The following PTPRM variants were observed in gnomAD, a reference collection of about 807,000 sequenced individuals.
PTPRM encodes receptor-type tyrosine-protein phosphatase mu.
PTPRM carries 47 observed loss-of-function variants against 186.7 expected under a neutral mutation model. That is an observed-to-expected ratio of 0.25 (90% CI 0.20 to 0.32). PTPRM has a LOEUF of 0.32. Among genes scored for constraint, PTPRM ranks in the 10% least tolerant of loss-of-function variants. The pLI is 1.00. For missense variants in PTPRM, 1,494 were observed against 1,865.0 expected, an observed-to-expected ratio of 0.80 and a Z score of 3.66; for synonymous variants, 668 against 674.9, an observed-to-expected ratio of 0.99 and a Z score of 0.16.
intron 1 of PTPRM, among the ~76,000 whole-genome samples, chr18:7,684,085 A>C (rs1266177108): frequency 3.3e-5 from 5 of 152,134 alleles, no homozygotes; most frequent in Non-Finnish European, 5.9e-5. Flanking sequence ...CGCTCCACTG[A>C]GAACAGCCTC....
chr18:7,838,613 C>T (rs1210130918), intron 2 of PTPRM, among the ~76,000 whole-genome samples: 1 of 152,246 alleles, frequency 6.6e-6, no homozygotes, highest in Non-Finnish European at 1.5e-5. Context: ...CTGGGTCAAA[C>T]CTGAAGCCTG....
At chr18:8,283,516 A>G (rs557152766) in intron 19 of PTPRM, among the ~76,000 whole-genome samples, 54 of 152,334 alleles carry the variant, frequency 3.5e-4, no homozygotes, top group African/African-American at 1.3e-3. Context: ...ATTTATGTCA[A>G]TTAACAGGCT....
At chr18:8,196,532 T>C (rs6506554) in intron 14 of PTPRM, among the ~76,000 whole-genome samples, 131,634 of 152,206 alleles carry the variant, frequency 0.86, 57,002 homozygotes, top group East Asian at 0.96. Flanking sequence ...TAGCATTTGC[T>C]GAAAATATTC....
intron 1 of PTPRM, among the ~76,000 whole-genome samples, chr18:7,713,772 GAC>G (rs1280900867): frequency 6.7e-6 from 1 of 149,690 alleles, no homozygotes; most frequent in Non-Finnish European, 1.5e-5. Flanking sequence ...AAGATCAAAA[GAC>G]ACGAAGGGCA....
At chr18:8,182,248 G>A (rs1372366816) in intron 14 of PTPRM, among the ~76,000 whole-genome samples, 1 of 152,078 alleles carries the variant, frequency 6.6e-6, no homozygotes, top group African/African-American at 2.4e-5. Flanking sequence ...GAGGGTACGT[G>A]TGCAGGTTTG....
intron 1 of PTPRM, among the ~76,000 whole-genome samples, chr18:7,680,535 G>A (rs944579446): frequency 2.0e-5 from 3 of 152,184 alleles, no homozygotes; most frequent in Non-Finnish European, 4.4e-5. Context: ...TGTAAGGGAT[G>A]ACATTTCGGG....
chr18:8,038,053 TCTTAA>T (rs2086447177), intron 7 of PTPRM, among the ~76,000 whole-genome samples: 1 of 152,314 alleles, frequency 6.6e-6, no homozygotes, highest in Non-Finnish European at 1.5e-5. Flanking sequence ...TTATATCACC[TCTTAA>T]CTTATGGTGC....
At chr18:8,089,777 G>A (rs1285551915) in intron 11 of PTPRM, among the ~76,000 whole-genome samples, 3 of 152,078 alleles carry the variant, frequency 2.0e-5, no homozygotes, top group Non-Finnish European at 4.4e-5. Flanking sequence ...GTATCATAAG[G>A]CAATCAGTTA....
chr18:8,256,948 G>A (rs1039126723), intron 19 of PTPRM, among the ~76,000 whole-genome samples: 1 of 152,208 alleles, frequency 6.6e-6, no homozygotes, highest in African/African-American at 2.4e-5. Flanking sequence ...TTGGGGAAGA[G>A]TTTAATTTTA....
chr18:7,632,224 A>C (rs2038208547), intron 1 of PTPRM, among the ~76,000 whole-genome samples: 1 of 152,156 alleles, frequency 6.6e-6, no homozygotes, highest in Non-Finnish European at 1.5e-5. Flanking sequence ...GAACCAGACC[A>C]TGGTGTTTTT....
intron 14 of PTPRM, among the ~76,000 whole-genome samples, chr18:8,169,863 T>G (rs193238788): frequency 6.6e-6 from 1 of 152,328 alleles, no homozygotes; most frequent in African/African-American, 2.4e-5. Context: ...GTAAGTAATT[T>G]GGAAACATGA....
intron 13 of PTPRM, among the ~76,000 whole-genome samples, chr18:8,126,563 T>A (rs2092369178): frequency 6.6e-6 from 1 of 152,152 alleles, no homozygotes; most frequent in African/African-American, 2.4e-5. Context: ...CTGCTGACTG[T>A]CTGTCCATTT....
chr18:8,065,281 TAGA>T (rs1389240692), intron 7 of PTPRM, among the ~76,000 whole-genome samples: 1 of 152,102 alleles, frequency 6.6e-6, no homozygotes. Flanking sequence ...GGACTGAATG[TAGA>T]AGGAGCCAGG....
intron 1 of PTPRM, among the ~76,000 whole-genome samples, chr18:7,755,712 C>G (rs946121534): frequency 6.6e-6 from 1 of 152,138 alleles, no homozygotes; most frequent in Non-Finnish European, 1.5e-5. Context: ...TTAGAAAATC[C>G]TACCTTCAAA....
chr18:7,588,988 C>CT (rs1232579407), intron 1 of PTPRM, among the ~76,000 whole-genome samples: 4 of 152,026 alleles, frequency 2.6e-5, no homozygotes, highest in African/African-American at 9.7e-5. Context: ...TAGGTGGGAC[C>CT]ACAGGTGCAT....
intron 1 of PTPRM, among the ~76,000 whole-genome samples, chr18:7,631,234 C>G (rs1263884327): frequency 6.6e-6 from 1 of 152,144 alleles, no homozygotes; most frequent in Non-Finnish European, 1.5e-5. Flanking sequence ...AATGTCCTGT[C>G]AGCTTTAAAT....
At chr18:7,848,192 T>C (rs1417869855) in intron 2 of PTPRM, among the ~76,000 whole-genome samples, 1 of 152,214 alleles carries the variant, frequency 6.6e-6, no homozygotes, top group Non-Finnish European at 1.5e-5. Context: ...TATTGCCTAA[T>C]AGTCTGCTGG....
rs73939450 is a variant in PTPRM, at chr18:8,369,356, G to C, written c.3055-1534G>C. 4.1e-3 allele frequency among the ~76,000 whole-genome samples: 618 copies of C among 152,340 alleles called. 5 individuals are homozygous for C. The highest frequency in any genetic ancestry group is 0.014 in the African/African-American group (587 of 41,570). On this transcript the variant is annotated intron_variant, in intron 23 of 32. Transcript: ENST00000580170. Reference sequence around the variant, plus strand: ...AGCACTGGGATTACACATTGAGAGAGTTTTTGTGGTATTGGGACACATAGA... The same window carrying C: ...AGCACTGGGATTACACATTGAGAGACTTTTTGTGGTATTGGGACACATAGA...
chr18:7,761,366 G>A (rs1005172980), intron 1 of PTPRM, among the ~76,000 whole-genome samples: 6 of 152,038 alleles, frequency 3.9e-5, no homozygotes, highest in African/African-American at 1.4e-4. Context: ...TGTAATTATT[G>A]ACATTCTTCT....
Sources: allele counts gnomAD v4.1 joint callset (sites outside exome capture counted in the v4.1 genomes callset), GRCh38; gene constraint gnomAD v4.1.1; transcripts MANE v1.5; gene names NCBI Gene and HGNC (gene_info 2026-07-23, HGNC 2026-07-21).